The following PLK4 variants were observed in gnomAD, a reference collection of about 807,000 sequenced individuals.
PLK4 encodes the protein polo like kinase 4.
A neutral mutation model predicts 103.0 loss-of-function variants in PLK4; 51 were observed. That is an observed-to-expected ratio of 0.50 (90% confidence interval 0.40 to 0.63). The LOEUF (loss-of-function observed/expected upper bound fraction) is 0.63. Among genes scored for constraint, PLK4 ranks in the 20% least tolerant of loss-of-function variants. PLK4 has a pLI of 0.00. For synonymous variants in PLK4, 389 were observed against 376.8 expected (o/e 1.03, Z -0.38); for missense variants, 1,054 against 1,151.0 (o/e 0.92, Z 1.22).
chr4:127,883,462 C>T lies in PLK4; in HGVS notation c.246C>T (p.Ser82=), dbSNP rs191851206. 7.3e-6 allele frequency: 11 copies of T among 1,507,266 alleles called. No homozygotes were observed. In the Admixed American group the frequency reaches 1.9e-4, roughly 25 times the overall value. The allele number at this position is 1,507,266 out of a possible 1,614,324, so 93.4% of individuals were successfully genotyped here. ...AGCTTTATAACTATTTTGAAGATAG[C>T]AATTATGTGTATCTGGTATTAGAAA... is the stretch of plus-strand genomic sequence containing the variant. ...ILELYNYFED[S]NYVYLVLEMC... is the part of the protein sequence containing the mutation. Residue 82 remains serine, a synonymous_variant, in exon 4 of 16, where the codon AGC becomes AGT. Transcript: ENST00000270861.
intron 13 of PLK4, among the ~76,000 whole-genome samples, chr4:127,894,544 C>T (rs1735490790): frequency 6.6e-6 from 1 of 152,020 alleles, no homozygotes; most frequent in South Asian, 2.1e-4. Context: ...TTTATTTTTA[C>T]TAGTAAAATA....
intron 9 of PLK4, 112 bp from the exon 10 acceptor site, chr4:127,892,248 TAGAAA>T: frequency 1.5e-6 from 1 of 645,466 alleles, no homozygotes; most frequent in Non-Finnish European, 2.5e-6. Flanking sequence ...AGGTAACTCT[TAGAAA>T]AGAATAAGAA....
chr4:127,897,889 C>T (rs1315553421), intron 15 of PLK4, among the ~76,000 whole-genome samples: 1 of 113,470 alleles, frequency 8.8e-6, no homozygotes, highest in South Asian at 3.1e-4. Flanking sequence ...TGCCCAGGCT[C>T]GAGTTAGTGG....
chr4:127,895,167 C>CA (rs1306915948), intron 14 of PLK4, 74 bp downstream of exon 14: 17 of 950,028 alleles, frequency 1.8e-5, no homozygotes, highest in Non-Finnish European at 2.6e-5. Flanking sequence ...AGACAATTAC[C>CA]AAAAAATACA....
intron 15 of PLK4, among the ~76,000 whole-genome samples, chr4:127,897,964 G>A (rs111611795): frequency 2.4e-4 from 36 of 148,628 alleles, no homozygotes; most frequent in African/African-American, 8.4e-4. Context: ...TCAGCCTCCT[G>A]AGTAGCTGAG....
rs761011021 is a variant in PLK4, at chr4:127,890,275, T to A, written c.1830+39T>A. 3.4e-6 allele frequency: 5 copies of A among 1,479,166 alleles called. No individual in the cohort carries two copies. In the South Asian group the frequency reaches 6.5e-5, roughly 19 times the overall value. The allele number at this position is 1,479,166 out of a possible 1,614,324, so 91.6% of individuals were successfully genotyped here. A position where few individuals can be genotyped will look rare whatever the true frequency, so the allele number is the denominator to read the frequency against. On this transcript the variant is annotated intron_variant, in intron 7 of 15. Transcript: ENST00000270861. ...CTTCTTAAGTTACTAAATAACATTT[T>A]ACTTGAGAATACAATTCTTGAGAAC...
Position 127,892,796 on chromosome 4 carries a change from T to A in PLK4, c.2188+282T>A, listed in dbSNP as rs139628114. ...CTGATGGTATAAAAATCACATGAAA[T>A]GCGCAATGTCCTATTTCTTATTAGA... On this transcript the variant is annotated intron_variant, in intron 10 of 15. Transcript: ENST00000270861. 692 of 252,810 alleles carry A rather than the reference T, an allele frequency of 2.7e-3. 9 individuals carry two copies. The highest frequency in any genetic ancestry group is 0.015 in the African/African-American group (652 of 44,060). The allele number at this position is 252,810 out of a possible 1,614,324, so 15.7% of individuals were successfully genotyped here. A position where few individuals can be genotyped will look rare whatever the true frequency, so the allele number is the denominator to read the frequency against.
In PLK4 at chr4:127,881,173, A is replaced by C. The variant is rs1349695532; in HGVS notation, c.30+9A>C. The stretch of plus-strand genomic sequence containing the variant: ...TCGGGGAGAAGATCGAGGTGAAAAG[A>C]CTCGGCAGTCTGCAGCGGGGCGGGT... On this transcript the variant is annotated intron_variant, in intron 1 of 15. Transcript: ENST00000270861. 2.5e-6 allele frequency: 4 copies of C among 1,613,738 alleles called. No homozygotes were observed. The highest frequency in any genetic ancestry group is 3.4e-6 in the Non-Finnish European group (4 of 1,179,966).
chr4:127,895,774 C>T (rs950597703), intron 14 of PLK4, among the ~76,000 whole-genome samples: 2 of 152,034 alleles, frequency 1.3e-5, no homozygotes, highest in Non-Finnish European at 2.9e-5. Context: ...CATTAAAAGT[C>T]ATGTGAAAGC....
chr4:127,883,530 T>C lies in PLK4; in HGVS notation c.314T>C (p.Val105Ala). 1 of 1,508,542 alleles carries C rather than the reference T, an allele frequency of 6.6e-7. No homozygotes were observed. The highest frequency in any genetic ancestry group is 9.2e-7 in the Non-Finnish European group (1 of 1,089,030). 93.4% of individuals were successfully genotyped at this position (1,508,542 alleles called of 1,614,324 possible). The change falls in exon 4 of 16, where the codon GTG becomes GCG. Residue 105 changes from valine to alanine, a missense_variant. Transcript: ENST00000270861. ...GEMNRYLKNR[V>A]KPFSENEARH... Reference sequence around the variant, plus strand: ...ATGAACAGGTATCTAAAGAATAGAGTGAAACCCTTCTCAGAAAATGAAGGT... The same window carrying C: ...ATGAACAGGTATCTAAAGAATAGAGCGAAACCCTTCTCAGAAAATGAAGGT...
At position 127,886,349 on chromosome 4, in the gene PLK4, A is replaced by G; in HGVS notation, c.979A>G (p.Lys327Glu). The change falls in exon 5 of 16, where the codon AAG becomes GAG. Residue 327 changes from lysine (K) to glutamate (E), a missense_variant. Physicochemically the swap from Lys to Glu is moderately conservative, Grantham distance 56 (BLOSUM62 1). Coordinates refer to ENST00000270861, the MANE Select transcript of PLK4 (RefSeq NM_014264.5). ...CCCAAATAAAATGACTGTATTTCCA[A>G]AGAATAAAAGTTCAACTGATTTTTC... ...PLPNKMTVFP[K>E]NKSSTDFSSS... The G allele has an allele frequency of 6.2e-7, 1 of 1,613,548 alleles. No homozygotes were observed. The highest frequency in any genetic ancestry group is 8.5e-7 in the Non-Finnish European group (1 of 1,179,900).
rs1735148289 is a variant in PLK4, at chr4:127,886,689, G to T, written c.1319G>T (p.Ser440Ile). The T allele has an allele frequency of 6.2e-7, 1 of 1,608,372 alleles. No individual in the cohort carries two copies. Among genetic ancestry groups the T allele is most frequent in the Admixed American group, 1.7e-5 (1 of 58,974 alleles). Reference protein sequence around the residue: ...FNFFKEKTSSSSGSFERPDNN... With the variant: ...FNFFKEKTSSISGSFERPDNN... ...TTCTTTAAAGAAAAGACATCCAGTA[G>T]TTCTGGATCTTTTGAAAGACCTGAT... Residue 440 changes from serine to isoleucine, a missense_variant, in exon 5 of 16, where the codon AGT (serine) becomes ATT (isoleucine). Transcript: ENST00000270861.
intron 6 of PLK4, among the ~76,000 whole-genome samples, chr4:127,888,176 T>TCAA (rs1735210735): frequency 2.5e-4 from 1 of 4,064 alleles, no homozygotes; most frequent in Non-Finnish European, 7.1e-4. Context: ...CTAGACTGTC[T>TCAA]CAAAAAAAAA....
intron 14 of PLK4, 109 bp downstream of exon 14, chr4:127,895,202 C>A: frequency 1.3e-6 from 1 of 768,558 alleles, no homozygotes; most frequent in Non-Finnish European, 2.0e-6. Context: ...TATCTTTTTA[C>A]AAGGAAGTTT....
In PLK4 at chr4:127,898,871, T is replaced by G. The variant is rs1228552104; in HGVS notation, c.*330T>G. 2 of 173,202 alleles carry G rather than the reference T, an allele frequency of 1.2e-5. No homozygotes were observed. Among genetic ancestry groups the G allele is most frequent in the African/African-American group, 4.7e-5 (2 of 42,242 alleles). 10.7% of individuals were successfully genotyped at this position (173,202 alleles called of 1,614,324 possible). On this transcript the variant is annotated 3_prime_UTR_variant, in exon 16 of 16. Transcript: ENST00000270861. ...TTATTTGTGCTTTTATTGTTTTCCCTGCGTCTCAGACATGTTGAGAATCAT... is the reference window on the plus strand; with the variant it reads ...TTATTTGTGCTTTTATTGTTTTCCCGGCGTCTCAGACATGTTGAGAATCAT...
In PLK4 at chr4:127,898,521, C is replaced by G. The variant is rs748527626; in HGVS notation, c.2893C>G (p.Pro965Ala). 6.6e-7 allele frequency: 1 copy of G among 1,526,550 alleles called. No homozygotes were observed. The highest frequency in any genetic ancestry group is 9.0e-7 in the Non-Finnish European group (1 of 1,105,482). 94.6% of individuals were successfully genotyped at this position (1,526,550 alleles called of 1,614,324 possible). A position where few individuals can be genotyped will look rare whatever the true frequency, so the allele number is the denominator to read the frequency against. ...TTCCATCCTTTTGATGTTTTCTAAT[C>G]CGACTCCTAATTTTCATTGATTAAA... ...LSSILLMFSNPTPNFH is the reference protein window; with the variant it reads ...LSSILLMFSNATPNFH The change falls in exon 16 of 16, where the codon CCG becomes GCG. Residue 965 changes from proline (P) to alanine (A), a missense_variant. Transcript: ENST00000270861.
intron 2 of PLK4, 101 bp downstream of exon 2, chr4:127,882,027 A>G: frequency 1.3e-5 from 9 of 696,668 alleles, no homozygotes; most frequent in South Asian, 4.9e-5. Flanking sequence ...TCCTTTGATT[A>G]TAGTGTAAGG....
At position 127,886,274 on chromosome 4, in the gene PLK4, A is replaced by G. The variant is rs1428881318; in HGVS notation, c.904A>G (p.Ile302Val). 3.7e-6 allele frequency: 6 copies of G among 1,612,740 alleles called. No homozygotes were observed. The highest frequency in any genetic ancestry group is 2.2e-5 in the East Asian group (1 of 44,884). ...TAITASSSTS[I>V]SGSLFDKRRL... is the part of the protein sequence containing the mutation. ...AATTACAGCTTCTTCCAGTACCAGTATAAGTGGTAGTTTATTTGACAAAAG... is the reference window on the plus strand; with the variant it reads ...AATTACAGCTTCTTCCAGTACCAGTGTAAGTGGTAGTTTATTTGACAAAAG... Residue 302 changes from isoleucine to valine, a missense_variant, in exon 5 of 16, where the codon ATA becomes GTA. Transcript: ENST00000270861.
chr4:127,887,576 T>A, intron 6 of PLK4, 80 bp downstream of exon 6: 1 of 858,646 alleles, frequency 1.2e-6, no homozygotes. Context: ...ATTTGAGATT[T>A]TTAAAGAAAA....
Sources: gnomAD v4.1 joint callset for allele counts (sites outside exome capture counted in the v4.1 genomes callset) on GRCh38, gnomAD v4.1.1 for gene constraint, MANE v1.5 for transcripts, NCBI Gene and HGNC (gene_info 2026-07-23, HGNC 2026-07-21) for gene names.